The following ESRRG variants were observed in gnomAD, a reference collection of about 807,000 sequenced individuals.
The protein encoded by ESRRG is estrogen-related receptor gamma.
In ESRRG, 13 loss-of-function variants were observed where a neutral mutation model predicts 44.0. That is an observed-to-expected ratio of 0.30 (90% CI 0.19 to 0.47). The LOEUF is 0.47. ESRRG is among the 20% of genes least tolerant of loss of function. The probability of loss-of-function intolerance (pLI) is 1.00; values close to 1 mark genes in which losing one functional copy is unlikely to be tolerated. For missense variants in ESRRG, 395 were observed against 580.6 expected (o/e 0.68, Z 3.29); for synonymous variants, 215 against 214.6 (o/e 1.00, Z -0.02).
At chr1:216,949,649 C>T (rs1407846370) in intron 1 of ESRRG, among the ~76,000 whole-genome samples, 1 of 152,110 alleles carries the variant, frequency 6.6e-6, no homozygotes, top group Admixed American at 6.6e-5. Flanking sequence ...GTGAAAAAGG[C>T]AAGGAAAGTA....
intron 2 of ESRRG, among the ~76,000 whole-genome samples, chr1:216,764,209 C>G (rs900805063): frequency 5.9e-5 from 9 of 151,742 alleles, no homozygotes; most frequent in African/African-American, 2.2e-4. Context: ...CCACTGCCCC[C>G]CTTTTTTAAA....
chr1:216,654,362 C>T (rs2069852745), intron 2 of ESRRG, among the ~76,000 whole-genome samples: 1 of 151,902 alleles, frequency 6.6e-6, no homozygotes. Context: ...TGCGATGGCT[C>T]ACACCTGTAA....
chr1:216,653,844 T>C (rs1339907550), intron 2 of ESRRG, among the ~76,000 whole-genome samples: 1 of 151,988 alleles, frequency 6.6e-6, no homozygotes, highest in African/African-American at 2.4e-5. Flanking sequence ...CCAGGTGCAG[T>C]GGTTCACGCC....
intron 2 of ESRRG, among the ~76,000 whole-genome samples, chr1:216,818,683 G>T (rs2095217263): frequency 6.6e-6 from 1 of 151,900 alleles, no homozygotes; most frequent in Non-Finnish European, 1.5e-5. Context: ...TGTGTGCCAT[G>T]GTGGTTTGCT....
chr1:216,697,888 C>T (rs537144271), intron 1 of ESRRG, among the ~76,000 whole-genome samples: 141 of 152,168 alleles, frequency 9.3e-4, no homozygotes, highest in Non-Finnish European at 1.6e-3. Context: ...ATAAAAATGA[C>T]TACTATGAAT....
At chr1:216,620,510 G>A (rs1460718995) in intron 3 of ESRRG, among the ~76,000 whole-genome samples, 1 of 152,050 alleles carries the variant, frequency 6.6e-6, no homozygotes, top group Admixed American at 6.6e-5. Flanking sequence ...TACCACTTAA[G>A]GACTGGCAAA....
At chr1:216,510,510 AAGAC>A (rs1486121712) in intron 6 of ESRRG, among the ~76,000 whole-genome samples, 3 of 151,108 alleles carry the variant, frequency 2.0e-5, no homozygotes, top group Non-Finnish European at 4.4e-5. Flanking sequence ...CAAATTGAAT[AAGAC>A]AGAGCCACTG....
At chr1:216,520,604 TA>T (rs1558232486) in intron 5 of ESRRG, among the ~76,000 whole-genome samples, 1 of 152,094 alleles carries the variant, frequency 6.6e-6, no homozygotes, top group African/African-American at 2.4e-5. Context: ...TCTCAAGTCC[TA>T]AAAAAGAAAT....
At chr1:216,969,439 T>C (rs969644250) in intron 1 of ESRRG, among the ~76,000 whole-genome samples, 2 of 152,108 alleles carry the variant, frequency 1.3e-5, no homozygotes, top group South Asian at 4.1e-4. Context: ...ACATAAAAAA[T>C]AGGTAAACCT....
At chr1:217,119,925 G>T (rs1387251000) in intron 1 of ESRRG, among the ~76,000 whole-genome samples, 2 of 152,112 alleles carry the variant, frequency 1.3e-5, no homozygotes, top group East Asian at 3.9e-4. Flanking sequence ...AAACATTGCT[G>T]GGCAAATATT....
intron 1 of ESRRG, among the ~76,000 whole-genome samples, chr1:217,096,072 A>T (rs1374283664): frequency 6.6e-6 from 1 of 152,232 alleles, no homozygotes; most frequent in Non-Finnish European, 1.5e-5. Flanking sequence ...TTACTTTTAA[A>T]ACATGAAATT....
chr1:216,925,964 G>A (rs903412904), intron 2 of ESRRG, among the ~76,000 whole-genome samples: 2 of 152,136 alleles, frequency 1.3e-5, no homozygotes, highest in Non-Finnish European at 2.9e-5. Flanking sequence ...AAAAACCAAA[G>A]TGGGTCTGCT....
intron 1 of ESRRG, among the ~76,000 whole-genome samples, chr1:216,964,891 A>G (rs181055324): frequency 1.3e-5 from 2 of 152,318 alleles, no homozygotes; most frequent in Admixed American, 1.3e-4. Context: ...TAGCCTCATT[A>G]TCAAGCTTCC....
intron 2 of ESRRG, among the ~76,000 whole-genome samples, chr1:216,815,356 A>G (rs764363085): frequency 3.3e-5 from 5 of 152,188 alleles, no homozygotes; most frequent in Non-Finnish European, 5.9e-5. Flanking sequence ...AGGTACAGAG[A>G]CATTAAGTAA....
intron 2 of ESRRG, among the ~76,000 whole-genome samples, chr1:216,771,433 C>T (rs1399034407): frequency 6.6e-6 from 1 of 152,028 alleles, no homozygotes; most frequent in African/African-American, 2.4e-5. Context: ...ATATGTAGAA[C>T]AAGGAAGAAG....
chr1:216,746,732 A>G (rs982174152), intron 2 of ESRRG, among the ~76,000 whole-genome samples: 12 of 152,190 alleles, frequency 7.9e-5, no homozygotes, highest in African/African-American at 9.6e-5. Flanking sequence ...CTGAATCTTC[A>G]TCTCCTAACT....
chr1:217,121,766 G>A (rs1026339857), intron 1 of ESRRG, among the ~76,000 whole-genome samples: 1 of 152,160 alleles, frequency 6.6e-6, no homozygotes, highest in Non-Finnish European at 1.5e-5. Flanking sequence ...CGGAGAGCCA[G>A]ATTCTTGTGC....
At chr1:216,800,070 T>A (rs575536223) in intron 2 of ESRRG, among the ~76,000 whole-genome samples, 1 of 152,256 alleles carries the variant, frequency 6.6e-6, no homozygotes, top group African/African-American at 2.4e-5. Context: ...GGTGCTAAAT[T>A]AAGAAATGTA....
At chr1:216,789,969 A>G (rs540762067) in intron 2 of ESRRG, among the ~76,000 whole-genome samples, 2 of 152,230 alleles carry the variant, frequency 1.3e-5, no homozygotes, top group Admixed American at 1.3e-4. Flanking sequence ...AGCTCCTACC[A>G]ATGAATTATG....
Sources: allele counts gnomAD v4.1 joint callset (sites outside exome capture counted in the v4.1 genomes callset), GRCh38; gene constraint gnomAD v4.1.1; transcripts MANE v1.5; gene names NCBI Gene and HGNC (gene_info 2026-07-23, HGNC 2026-07-21).